The following TAFA5 variants were observed in gnomAD, a reference collection of about 807,000 sequenced individuals.
TAFA5 encodes the protein TAFA chemokine like family member 5, also known as chemokine-like protein TAFA-5.
TAFA5 carries 6 observed loss-of-function variants against 15.3 expected under a neutral mutation model. That is an observed-to-expected ratio of 0.39 (90% CI 0.21 to 0.77). TAFA5 has a LOEUF of 0.77. TAFA5 is among the 30% of genes least tolerant of loss of function. The pLI is 0.41. For missense variants in TAFA5, 161 were observed against 193.1 expected, an observed-to-expected ratio of 0.83 and a Z score of 0.98; for synonymous variants, 103 against 80.7, an observed-to-expected ratio of 1.28 and a Z score of -1.48.
At chr22:48,746,935 T>C (rs1027689680) in intron 3 of TAFA5, among the ~76,000 whole-genome samples, 1 of 152,136 alleles carries the variant, frequency 6.6e-6, no homozygotes, top group Non-Finnish European at 1.5e-5. Flanking sequence ...CCCCATGTCC[T>C]CAGGAGGCTG....
chr22:48,595,181 C>A (rs1422983897), intron 1 of TAFA5, among the ~76,000 whole-genome samples: 1 of 152,202 alleles, frequency 6.6e-6, no homozygotes, highest in Non-Finnish European at 1.5e-5. Flanking sequence ...TGGGGCCCGC[C>A]AGTGGCAAAG....
intron 2 of TAFA5, among the ~76,000 whole-genome samples, chr22:48,699,053 T>A (rs1928820040): frequency 6.6e-6 from 1 of 150,844 alleles, no homozygotes; most frequent in Admixed American, 6.6e-5. Flanking sequence ...GTGATTCCCC[T>A]GCCTCGGCCT....
chr22:48,719,871 C>G (rs1189933021), intron 3 of TAFA5, among the ~76,000 whole-genome samples: 1 of 152,096 alleles, frequency 6.6e-6, no homozygotes, highest in Non-Finnish European at 1.5e-5. Context: ...GTATTGTAAG[C>G]AGTGACACTC....
intron 3 of TAFA5, among the ~76,000 whole-genome samples, chr22:48,725,400 A>G (rs1929686633): frequency 6.6e-6 from 1 of 152,208 alleles, no homozygotes; most frequent in South Asian, 2.1e-4. Flanking sequence ...CCTGTCCTAA[A>G]GATTTTAGGG....
In TAFA5 at chr22:48,490,989, G is replaced by A. The variant is rs1928133106; in HGVS notation, c.112+1285G>A. The stretch of plus-strand genomic sequence containing the variant: ...GCCAGGATCGCAAGGGAAACCCGGG[G>A]ACCAGAGCAGGAATTTTCCTACTTG... On this transcript the variant is annotated intron_variant, in intron 1 of 3. Coordinates refer to ENST00000402357, the MANE Select transcript of TAFA5 (RefSeq NM_001082967.3). The surrounding 1 kb of genome is among the most constrained non-coding windows in gnomAD (Gnocchi z 5.8). Among the ~76,000 whole-genome samples the A allele has an allele frequency of 6.6e-6, 1 of 152,142 alleles. No individual in the cohort carries two copies. Among genetic ancestry groups the A allele is most frequent in the Admixed American group, 6.5e-5 (1 of 15,278 alleles).
intron 1 of TAFA5, among the ~76,000 whole-genome samples, chr22:48,627,688 GAC>G (rs1330482446): frequency 6.6e-6 from 1 of 152,232 alleles, no homozygotes; most frequent in East Asian, 1.9e-4. Context: ...TCCAAAATGA[GAC>G]ACTCACACCC....
chr22:48,564,076 G>A (rs1233702918), intron 1 of TAFA5, among the ~76,000 whole-genome samples: 1 of 152,270 alleles, frequency 6.6e-6, no homozygotes, highest in East Asian at 1.9e-4. Context: ...TGTGCAGGAA[G>A]TGAGGACGTG....
chr22:48,594,642 C>T (rs1325305865), intron 1 of TAFA5, among the ~76,000 whole-genome samples: 1 of 152,338 alleles, frequency 6.6e-6, no homozygotes, highest in East Asian at 1.9e-4. Flanking sequence ...GCCTTTGAGC[C>T]TCTGCACAGC....
intron 1 of TAFA5, among the ~76,000 whole-genome samples, chr22:48,513,785 G>A (rs1921309000): frequency 6.6e-6 from 1 of 152,314 alleles, no homozygotes; most frequent in East Asian, 1.9e-4. Context: ...GACTCACAGA[G>A]ACCACCTCAT....
chr22:48,622,906 G>A (rs780158271), intron 1 of TAFA5, among the ~76,000 whole-genome samples: 2 of 152,236 alleles, frequency 1.3e-5, no homozygotes, highest in South Asian at 4.1e-4. Flanking sequence ...GGGACTGCCC[G>A]TGACAGCCAA....
At position 48,743,643 on chromosome 22, in the gene TAFA5, C is replaced by T. The variant is rs1029714216; in HGVS notation, c.391-6196C>T. On this transcript the variant is annotated intron_variant, in intron 3 of 3. Transcript: ENST00000402357. Reference sequence around the variant, plus strand: ...GGTGCGTCCTCATTCCGGCGTACCACGGCCAGGAGCGGACTGTGGGGGAGC... The same window carrying T: ...GGTGCGTCCTCATTCCGGCGTACCATGGCCAGGAGCGGACTGTGGGGGAGC... 6.6e-5 allele frequency among the ~76,000 whole-genome samples: 10 copies of T among 152,188 alleles called. No individual in the cohort carries two copies. The East Asian group carries it at 7.7e-4, about 12-fold the overall frequency.
chr22:48,620,113 C>G (rs1434398109), intron 1 of TAFA5, among the ~76,000 whole-genome samples: 1 of 152,142 alleles, frequency 6.6e-6, no homozygotes, highest in African/African-American at 2.4e-5. Context: ...CTTCTCCCAC[C>G]GTCCCCAGTC....
chr22:48,681,512 G>GT (rs1158069631), intron 2 of TAFA5, among the ~76,000 whole-genome samples: 6 of 148,194 alleles, frequency 4.0e-5, no homozygotes, highest in Non-Finnish European at 7.4e-5. Context: ...AAAATTAGGC[G>GT]TGGGGGTAGG....
intron 1 of TAFA5, among the ~76,000 whole-genome samples, chr22:48,563,357 G>A (rs1313464246): frequency 2.0e-5 from 3 of 152,204 alleles, no homozygotes; most frequent in African/African-American, 7.2e-5. Flanking sequence ...GGGGACCACG[G>A]GGGCCGTTTC....
At chr22:48,719,583 C>G (rs909049958) in intron 3 of TAFA5, among the ~76,000 whole-genome samples, 2 of 151,398 alleles carry the variant, frequency 1.3e-5, no homozygotes, top group Non-Finnish European at 2.9e-5. Context: ...ACTGCCCCCC[C>G]TGCATTCTCT....
chr22:48,562,446 C>A (rs367691956), intron 1 of TAFA5, among the ~76,000 whole-genome samples: 1 of 152,188 alleles, frequency 6.6e-6, no homozygotes, highest in Non-Finnish European at 1.5e-5. Flanking sequence ...CCCCGCGGAG[C>A]CTTTCTAGAA....
chr22:48,543,218 T>C (rs532489382), intron 1 of TAFA5: 117 of 152,252 alleles, frequency 7.7e-4, no homozygotes, highest in African/African-American at 2.6e-3. Context: ...TCTGACGCTT[T>C]GGCCCTTATT....
Position 48,577,987 on chromosome 22 carries a change from C to A in TAFA5, c.113-68610C>A, listed in dbSNP as rs548943044. Among the ~76,000 whole-genome samples, 6 of 152,314 alleles carry A rather than the reference C, an allele frequency of 3.9e-5. No individual in the cohort carries two copies. The South Asian group carries it at 1.2e-3, about 32-fold the overall frequency. The stretch of plus-strand genomic sequence containing the variant: ...AGGAGTCATTGGGTCCAGGCAAGCC[C>A]GCGAGGGCTGTCCTCTGCTGGTGTC... On this transcript the variant is annotated intron_variant, in intron 1 of 3. Coordinates refer to ENST00000402357, the MANE Select transcript of TAFA5 (RefSeq NM_001082967.3).
At chr22:48,727,962 G>A (rs6587311) in intron 3 of TAFA5, among the ~76,000 whole-genome samples, 33,917 of 152,068 alleles carry the variant, frequency 0.22, 4,030 homozygotes, top group Admixed American at 0.32. Flanking sequence ...TATATGATCA[G>A]AAACAATTTT....
Sources: allele counts gnomAD v4.1 joint callset (sites outside exome capture counted in the v4.1 genomes callset), GRCh38; gene constraint gnomAD v4.1.1; non-coding constraint Gnocchi (gnomAD v3.1); transcripts MANE v1.5; gene names NCBI Gene and HGNC (gene_info 2026-07-23, HGNC 2026-07-21).